The following CHAF1A variants were observed in gnomAD, a reference collection of about 807,000 sequenced individuals.
CHAF1A encodes CAF-1 subunit A.
In CHAF1A, 5 loss-of-function variants were observed where a neutral mutation model predicts 93.2. The ratio of observed to expected loss-of-function variants is 0.05; its 90% CI spans 0.03 to 0.11. The LOEUF (loss-of-function observed/expected upper bound fraction) is 0.11. Among genes scored for constraint, CHAF1A ranks in the 10% least tolerant of loss-of-function variants. The pLI is 1.00. For synonymous variants in CHAF1A, 504 were observed against 510.3 expected, an observed-to-expected ratio of 0.99 and a Z score of 0.17; for missense variants, 1,102 against 1,259.9, an observed-to-expected ratio of 0.87 and a Z score of 1.90.
At chr19:4,421,603 C>A (rs1423281854) in intron 4 of CHAF1A, among the ~76,000 whole-genome samples, 1 of 151,980 alleles carries the variant, frequency 6.6e-6, no homozygotes, top group African/African-American at 2.4e-5. Flanking sequence ...ACAGCAAAAC[C>A]CCATCTCTAG....
At chr19:4,405,888 A>T (rs753812515) in intron 1 of CHAF1A, 24 bp from the exon 2 acceptor site, 1 of 1,608,270 alleles carries the variant, frequency 6.2e-7, no homozygotes, top group Non-Finnish European at 8.5e-7. Flanking sequence ...TTAACAGTTT[A>T]CCCTTTGACA....
Position 4,443,180 on chromosome 19 carries a change from T to C in CHAF1A, c.*155T>C. 2 of 661,796 alleles carry C rather than the reference T, an allele frequency of 3.0e-6. No homozygotes were observed. The highest frequency in any genetic ancestry group is 5.6e-6 in the Non-Finnish European group (2 of 359,612). The allele number at this position is 661,796 out of a possible 1,614,324, so 41.0% of individuals were successfully genotyped here. A position where few individuals can be genotyped will look rare whatever the true frequency, so the allele number is the denominator to read the frequency against. On this transcript the variant is annotated 3_prime_UTR_variant, in exon 15 of 15. Coordinates refer to ENST00000301280, the MANE Select transcript of CHAF1A (RefSeq NM_005483.3). ...ATATAGGATGCTGGATTAGTTCCTTTGATATTTGTAAAAATTCCCCCAAGA... is the reference window on the plus strand; with the variant it reads ...ATATAGGATGCTGGATTAGTTCCTTCGATATTTGTAAAAATTCCCCCAAGA...
At chr19:4,406,876 AAT>A (rs1973690908) in intron 2 of CHAF1A, among the ~76,000 whole-genome samples, 1 of 151,954 alleles carries the variant, frequency 6.6e-6, no homozygotes, top group South Asian at 2.1e-4. Context: ...GGTGAATTAT[AAT>A]GACACCACTG....
intron 12 of CHAF1A, among the ~76,000 whole-genome samples, chr19:4,432,453 C>T (rs1974202996): frequency 6.6e-6 from 1 of 152,094 alleles, no homozygotes; most frequent in South Asian, 2.1e-4. Context: ...GGAGTGGGGG[C>T]TGTGCTTTCT....
chr19:4,439,225 G>C (rs1974342228), intron 13 of CHAF1A, among the ~76,000 whole-genome samples: 1 of 151,434 alleles, frequency 6.6e-6, no homozygotes, highest in Admixed American at 6.6e-5. Flanking sequence ...GGTTGCAGTT[G>C]AGCCGAGATT....
chr19:4,422,600 G>C lies in CHAF1A; in HGVS notation c.1052G>C (p.Arg351Pro). 6.3e-7 allele frequency: 1 copy of C among 1,578,526 alleles called. No individual in the cohort carries two copies. Among genetic ancestry groups the C allele is most frequent in the Non-Finnish European group, 8.6e-7 (1 of 1,162,404 alleles). Residue 351 changes from arginine to proline, a missense_variant, in exon 5 of 15, where the codon CGT (arginine) becomes CCT (proline). Physicochemically the swap from Arg to Pro is moderately radical, Grantham distance 103 (BLOSUM62 -2). Coordinates refer to ENST00000301280, the MANE Select transcript of CHAF1A (RefSeq NM_005483.3). The surrounding 1 kb of genome is among the most constrained non-coding windows in gnomAD (Gnocchi z 4.6). ...QERLGKQLKL[R>P]AEREEKEKLK... The stretch of plus-strand genomic sequence containing the variant: ...CGTCTGGGCAAGCAGCTCAAGTTAC[G>C]TGCAGAAAGGGAAGAAAAGGAGAAG...
chr19:4,437,158 GA>G (rs1401839038), intron 13 of CHAF1A, among the ~76,000 whole-genome samples: 1 of 151,112 alleles, frequency 6.6e-6, no homozygotes, highest in Non-Finnish European at 1.5e-5. Context: ...ACACGTGAAG[GA>G]ATGGAGACCC....
In CHAF1A at chr19:4,433,092, C is replaced by T. The variant is rs759981844; in HGVS notation, c.2226C>T (p.Leu742=). 18 of 1,591,284 alleles carry T rather than the reference C, an allele frequency of 1.1e-5. No individual in the cohort carries two copies. The South Asian group carries it at 1.9e-4, about 17-fold the overall frequency. Residue 742 remains leucine, a synonymous_variant, in exon 13 of 15, where the codon CTC becomes CTT. Coordinates refer to ENST00000301280, the MANE Select transcript of CHAF1A (RefSeq NM_005483.3). The surrounding 1 kb of genome is among the most constrained non-coding windows in gnomAD (Gnocchi z 5.6). The part of the protein sequence containing the change: ...DEQILAQLLP[L]LHGNVNGSKV... ...CAGTCCTGGCCCAGCTGCTGCCGCT[C>T]CTGCACGGCAATGTGAACGGGAGCA...
chr19:4,421,929 G>A (rs910740992), intron 4 of CHAF1A, among the ~76,000 whole-genome samples: 2 of 151,894 alleles, frequency 1.3e-5, no homozygotes, highest in Non-Finnish European at 2.9e-5. Context: ...TGCACCCTAC[G>A]TCTCCTGGTT....
At chr19:4,442,839 G>A in intron 14 of CHAF1A, 86 bp from the exon 15 acceptor site, 1 of 989,010 alleles carries the variant, frequency 1.0e-6, no homozygotes, top group Non-Finnish European at 1.5e-6. Flanking sequence ...GTTGTTGCAG[G>A]CCCCATGAGG....
intron 3 of CHAF1A, among the ~76,000 whole-genome samples, chr19:4,413,536 C>T (rs1048924335): frequency 6.6e-6 from 1 of 152,192 alleles, no homozygotes; most frequent in Non-Finnish European, 1.5e-5. Flanking sequence ...CAGATTGTTT[C>T]GCACTGCCGT....
intron 13 of CHAF1A, 130 bp from the exon 14 acceptor site, chr19:4,442,115 G>A: frequency 1.4e-6 from 1 of 711,158 alleles, no homozygotes; most frequent in Non-Finnish European, 2.5e-6. Context: ...ATTGGGTTCT[G>A]GATGTTGGTT....
downstream of CHAF1A, chr19:4,445,961 G>A: frequency 1.3e-6 from 2 of 1,508,318 alleles, no homozygotes; most frequent in Non-Finnish European, 1.8e-6. Flanking sequence ...TGAGAACAAG[G>A]AGGCTCCCTC....
intron 13 of CHAF1A, among the ~76,000 whole-genome samples, chr19:4,441,642 C>T (rs563839527): frequency 6.6e-6 from 1 of 151,058 alleles, no homozygotes; most frequent in South Asian, 2.1e-4. Context: ...CATGGTGGCT[C>T]ACACCTGTAA....
At chr19:4,405,579 G>T (rs891753602) in intron 1 of CHAF1A, among the ~76,000 whole-genome samples, 10 of 150,802 alleles carry the variant, frequency 6.6e-5, no homozygotes, top group Non-Finnish European at 1.3e-4. Flanking sequence ...TTGCACTCCA[G>T]CCTGGGCGAC....
At chr19:4,446,107 G>A, downstream of CHAF1A, 4 of 1,612,694 alleles carry the variant, frequency 2.5e-6, no homozygotes, top group Non-Finnish European at 3.4e-6. Flanking sequence ...CCCTCCCGAG[G>A]CCAGCAGCTC....
intron 4 of CHAF1A, among the ~76,000 whole-genome samples, chr19:4,420,148 G>A (rs1001040361): frequency 2.0e-5 from 3 of 152,194 alleles, no homozygotes; most frequent in Non-Finnish European, 2.9e-5. Flanking sequence ...TGAAAGCTGA[G>A]CTGTCAGGCT....
chr19:4,426,573 C>T (rs1014084955), intron 7 of CHAF1A, among the ~76,000 whole-genome samples: 2 of 152,102 alleles, frequency 1.3e-5, no homozygotes, highest in Admixed American at 6.6e-5. Context: ...CTCCTGCGTT[C>T]AAATGATTCT....
At position 4,423,795 on chromosome 19, in the gene CHAF1A, T is replaced by C. The variant is rs1378270258; in HGVS notation, c.1309-11T>C. 6.2e-7 allele frequency: 1 copy of C among 1,613,578 alleles called. No homozygotes were observed. The highest frequency in any genetic ancestry group is 8.5e-7 in the Non-Finnish European group (1 of 1,179,566). On this transcript the variant is annotated splice_polypyrimidine_tract_variant and intron_variant, in intron 6 of 14. Coordinates refer to ENST00000301280, the MANE Select transcript of CHAF1A (RefSeq NM_005483.3). ...TCTCCTCTTTCTCATCACCATCTCTTAACATCACAGCGCATTAAAGCAGAG... is the reference window on the plus strand; with the variant it reads ...TCTCCTCTTTCTCATCACCATCTCTCAACATCACAGCGCATTAAAGCAGAG...
Sources: gnomAD v4.1 joint callset for allele counts (sites outside exome capture counted in the v4.1 genomes callset) on GRCh38, gnomAD v4.1.1 for gene constraint, Gnocchi (gnomAD v3.1) non-coding constraint, MANE v1.5 for transcripts, NCBI Gene and HGNC (gene_info 2026-07-23, HGNC 2026-07-21) for gene names.